NINJ2: variants seen among roughly 807,000 people sequenced by gnomAD.
The protein encoded by NINJ2 is ninjurin-2.
In NINJ2, 12 loss-of-function variants were observed where a neutral mutation model predicts 11.7. That is an observed-to-expected ratio of 1.02 (90% CI 0.66 to 1.66). The LOEUF is 1.66. Ranked by LOEUF, NINJ2 falls within the 40% of genes most tolerant of loss-of-function variation. The pLI is 0.00. For missense variants in NINJ2, 187 were observed against 181.8 expected (o/e 1.03, Z -0.16); for synonymous variants, 93 against 76.8 (o/e 1.21, Z -1.10).
chr12:580,900 CTGTGTGTGTGTCTG>C lies in NINJ2; in HGVS notation c.34-14736_34-14723del, dbSNP rs1200050493. 6.7e-6 allele frequency among the ~76,000 whole-genome samples: 1 copy of C among 149,040 alleles called. No homozygotes were observed. Among genetic ancestry groups the C allele is most frequent in the Non-Finnish European group, 1.5e-5 (1 of 67,286 alleles). On this transcript the variant is annotated intron_variant, in intron 1 of 3. Coordinates refer to ENST00000305108, the MANE Select transcript of NINJ2 (RefSeq NM_016533.6). This position sits in a 1 kb window ranked among gnomAD's most constrained non-coding sequence, Gnocchi z 4.7. ...TGTGTCTATGCATGTGTCTGTGTGT[CTGTGTGTGTGTCTG>C]TATGTTTGTGTGTGTGTGCCTGTGT... is the stretch of plus-strand genomic sequence containing the variant.
intron 1 of NINJ2, among the ~76,000 whole-genome samples, chr12:595,127 C>A (rs1380747523): frequency 6.6e-6 from 1 of 151,932 alleles, no homozygotes; most frequent in Non-Finnish European, 1.5e-5. Context: ...AACTGGACAT[C>A]CACATGCAAA....
At chr12:630,508 G>A (rs1948266797) in intron 1 of NINJ2, among the ~76,000 whole-genome samples, 1 of 152,136 alleles carries the variant, frequency 6.6e-6, no homozygotes, top group Non-Finnish European at 1.5e-5. Flanking sequence ...CCGAGTAGCT[G>A]GGACTGCAGG....
intron 1 of NINJ2, among the ~76,000 whole-genome samples, chr12:570,784 T>C (rs917682132): frequency 6.6e-6 from 1 of 152,160 alleles, no homozygotes; most frequent in Non-Finnish European, 1.5e-5. Flanking sequence ...CCCCGCCCCT[T>C]TTCTGCTGAT....
At chr12:572,273 G>C (rs899990970) in intron 1 of NINJ2, among the ~76,000 whole-genome samples, 14 of 152,224 alleles carry the variant, frequency 9.2e-5, no homozygotes, top group Non-Finnish European at 1.5e-4. Flanking sequence ...GTTCCTGCCA[G>C]CCCTGAGAAC....
intron 1 of NINJ2, among the ~76,000 whole-genome samples, chr12:609,802 A>G (rs1454137156): frequency 6.7e-6 from 1 of 149,334 alleles, no homozygotes; most frequent in Non-Finnish European, 1.5e-5. Flanking sequence ...GAAAACAACA[A>G]CAGCAGCAAT....
At chr12:636,175 G>A (rs1948350156) in intron 1 of NINJ2, among the ~76,000 whole-genome samples, 1 of 151,822 alleles carries the variant, frequency 6.6e-6, no homozygotes, top group South Asian at 2.1e-4. Context: ...TCGGGAGTTC[G>A]AGGCCAGCCT....
At position 658,092 on chromosome 12, in the gene NINJ2, G is replaced by A. The variant is rs192644133; in HGVS notation, c.33+5236C>T. ...CAGCTGGCTGCAACCTCCGCCTCCC[G>A]GGTTCAAGCGATTCTCCTGCCTTAG... On this transcript the variant is annotated intron_variant, in intron 1 of 3. Transcript: ENST00000305108. Among the ~76,000 whole-genome samples the A allele has an allele frequency of 3.7e-3, 548 of 147,484 alleles. 7 individuals carry two copies. Among genetic ancestry groups the A allele is most frequent in the African/African-American group, 0.013 (512 of 39,596 alleles).
At chr12:636,259 C>T (rs927344290) in intron 1 of NINJ2, among the ~76,000 whole-genome samples, 12 of 152,082 alleles carry the variant, frequency 7.9e-5, no homozygotes, top group African/African-American at 2.7e-4. Context: ...GCCTGTAATC[C>T]AAGCTACTCG....
chr12:611,227 T>TTTTCTTTCTTTCTTTCTTTCTTTCTTTC (rs960162979), intron 1 of NINJ2, among the ~76,000 whole-genome samples: 1 of 143,946 alleles, frequency 6.9e-6, no homozygotes, highest in African/African-American at 2.6e-5. Context: ...CTTTCTTTCT[T>TTTTCTTTCTTTCTTTCTTTCTTTCTTTC]TTTCTTTCTT....
At chr12:565,879 G>T (rs1483838295) in intron 2 of NINJ2, 71 bp downstream of exon 2, 16 of 1,333,782 alleles carry the variant, frequency 1.2e-5, no homozygotes, top group Non-Finnish European at 1.7e-5. Flanking sequence ...GTGGCCCAGG[G>T]GACACGTGGG....
intron 1 of NINJ2, among the ~76,000 whole-genome samples, chr12:620,447 A>G (rs1948138860): frequency 6.6e-6 from 1 of 152,274 alleles, no homozygotes; most frequent in Non-Finnish European, 1.5e-5. Flanking sequence ...CGTCTCACAC[A>G]TAAAGCCTGT....
chr12:566,173 T>C lies in NINJ2; in HGVS notation c.39A>G (p.Gly13=), dbSNP rs34578646. ...TGGGCTGGCTCCTGGGGTCGGAGCTTCCAGGCTGTAGGGGAGAAAGCACAG... is the reference window on the plus strand; with the variant it reads ...TGGGCTGGCTCCTGGGGTCGGAGCTCCCAGGCTGTAGGGGAGAAAGCACAG... The part of the protein sequence containing the change: ...SARENIDLQP[G]SSDPRSQPIN... Residue 13 remains glycine, a synonymous_variant, in exon 2 of 4, where the codon GGA becomes GGG. Transcript: ENST00000305108. 0.015 allele frequency: 23,659 copies of C among 1,612,992 alleles called. 205 individuals are homozygous for C. The highest frequency in any genetic ancestry group is 0.031 in the African/African-American group (2,350 of 74,984).
At chr12:653,251 AC>A (rs1937822340) in intron 1 of NINJ2, among the ~76,000 whole-genome samples, 1 of 151,536 alleles carries the variant, frequency 6.6e-6, no homozygotes, top group Admixed American at 6.6e-5. Context: ...TGATCTCTTG[AC>A]CCGTGATCTG....
intron 1 of NINJ2, chr12:642,827 C>A (rs1193600620): frequency 2.0e-5 from 3 of 151,700 alleles, no homozygotes; most frequent in Non-Finnish European, 4.4e-5. Flanking sequence ...GCGCCGCAGA[C>A]CGGATGCGGG....
chr12:603,640 C>T (rs1592091146), intron 1 of NINJ2, among the ~76,000 whole-genome samples: 1 of 151,486 alleles, frequency 6.6e-6, no homozygotes, highest in South Asian at 2.1e-4. Flanking sequence ...TATCCCAGCA[C>T]CATTTGTTGA....
chr12:584,804 CAAAACA>C (rs1441818016), intron 1 of NINJ2, among the ~76,000 whole-genome samples: 1 of 150,278 alleles, frequency 6.7e-6, no homozygotes, highest in African/African-American at 2.5e-5. Context: ...AGACGTCTCT[CAAAACA>C]AAAACAAAAA....
intron 1 of NINJ2, among the ~76,000 whole-genome samples, chr12:657,318 A>G (rs1436213187): frequency 6.6e-6 from 1 of 152,186 alleles, no homozygotes. Flanking sequence ...GGCCGGGCGC[A>G]GTGGCTCACA....
chr12:627,759 C>G (rs1948225403), intron 1 of NINJ2, among the ~76,000 whole-genome samples: 1 of 152,226 alleles, frequency 6.6e-6, no homozygotes, highest in Admixed American at 6.5e-5. Flanking sequence ...CTGCCAAAAT[C>G]TCAACTGGAG....
At position 633,868 on chromosome 12, in the gene NINJ2, C is replaced by T. The variant is rs1033969201; in HGVS notation, c.33+29460G>A. Reference sequence around the variant, plus strand: ...TGTCTGCTAAATCAAGTACACATTCCTTTGCCTGGTTATTTAAAAATCCCC... The same window carrying T: ...TGTCTGCTAAATCAAGTACACATTCTTTTGCCTGGTTATTTAAAAATCCCC... On this transcript the variant is annotated intron_variant, in intron 1 of 3. Coordinates refer to ENST00000305108, the MANE Select transcript of NINJ2 (RefSeq NM_016533.6). This position sits in a 1 kb window ranked among gnomAD's most constrained non-coding sequence, Gnocchi z 4.3. Among the ~76,000 whole-genome samples the T allele has an allele frequency of 3.3e-5, 5 of 152,230 alleles. No homozygotes were observed. The highest frequency in any genetic ancestry group is 2.0e-4 in the Admixed American group (3 of 15,274).
Sources: allele counts gnomAD v4.1 joint callset (sites outside exome capture counted in the v4.1 genomes callset), GRCh38; gene constraint gnomAD v4.1.1; non-coding constraint Gnocchi (gnomAD v3.1); transcripts MANE v1.5; gene names NCBI Gene and HGNC (gene_info 2026-07-23, HGNC 2026-07-21).